Variants in PEX19 observed in about 807,000 individuals in gnomAD.
PEX19 encodes the protein 33 kDa housekeeping protein.
A neutral mutation model predicts 36.3 loss-of-function variants in PEX19; 29 were observed. The observed-to-expected ratio is 0.80, with a 90% CI of 0.60 to 1.09. The LOEUF (loss-of-function observed/expected upper bound fraction) is 1.09. PEX19 is among the 50% of genes least tolerant of loss of function. The probability of loss-of-function intolerance (pLI) is 0.00; values close to 1 mark genes in which losing one functional copy is unlikely to be tolerated. For synonymous variants in PEX19, 141 were observed against 135.2 expected, an observed-to-expected ratio of 1.04 and a Z score of -0.30; for missense variants, 396 against 368.1, an observed-to-expected ratio of 1.08 and a Z score of -0.62.
chr1:160,279,688 GA>G, intron 7 of PEX19, 54 bp from the exon 8 acceptor site: 1 of 1,550,190 alleles, frequency 6.5e-7, no homozygotes, highest in Non-Finnish European at 8.9e-7. Context: ...GGACAGACGT[GA>G]AGATCCATCC....
Position 160,277,677 on chromosome 1 carries a change from A to C in PEX19, c.*1874T>G, listed in dbSNP as rs1251272116. ...CCTGGCTAGGCTAGCAGAAGTGAGA[A>C]TCTGTAAAAGAAAACTGGTAGGACA... On this transcript the variant is annotated 3_prime_UTR_variant, in exon 8 of 8. Coordinates refer to ENST00000368072, the MANE Select transcript of PEX19 (RefSeq NM_002857.4). 2.2e-6 allele frequency: 1 copy of C among 455,124 alleles called. No individual in the cohort carries two copies. The highest frequency in any genetic ancestry group is 4.4e-6 in the Non-Finnish European group (1 of 227,510). 28.2% of individuals were successfully genotyped at this position (455,124 alleles called of 1,614,324 possible). A position where few individuals can be genotyped will look rare whatever the true frequency, so the allele number is the denominator to read the frequency against.
intron 1 of PEX19, chr1:160,284,208 C>T (rs1244136593): frequency 2.1e-6 from 1 of 471,094 alleles, no homozygotes; most frequent in Non-Finnish European, 4.4e-6. Context: ...CTAGAGCTCC[C>T]TTTGGCCTGA....
In PEX19 at chr1:160,276,914, C is replaced by T. The variant is rs41265787; in HGVS notation, c.*2637G>A. The T allele has an allele frequency of 0.027, 11,933 of 449,832 alleles. 263 individuals are homozygous for T. Among genetic ancestry groups the T allele is most frequent in the East Asian group, 0.088 (1,258 of 14,318 alleles). 27.9% of individuals were successfully genotyped at this position (449,832 alleles called of 1,614,324 possible). ...TAATTTTGGAACAAAGGAGCAACTC[C>T]TTTAAAGTTTGAGAGTCGCATAAAT... On this transcript the variant is annotated 3_prime_UTR_variant, in exon 8 of 8. Transcript: ENST00000368072.
Position 160,283,006 on chromosome 1 carries a change from G to T in PEX19, c.284C>A (p.Ala95Asp), listed in dbSNP as rs563863391. ...CTCCACCAGGTGGGGTTCTTCCTCA[G>T]CCAACTCCTTCATTGCCTTCTCGAA... ...AEFEKAMKELAEEEPHLVEQF... is the reference protein window; with the variant it reads ...AEFEKAMKELDEEEPHLVEQF... Residue 95 changes from alanine (A) to aspartate (D), a missense_variant, in exon 3 of 8, where the codon GCT becomes GAT. Ala to Asp is a moderately radical substitution (Grantham distance 126). Coordinates refer to ENST00000368072, the MANE Select transcript of PEX19 (RefSeq NM_002857.4). The T allele has an allele frequency of 5.0e-6, 8 of 1,614,186 alleles. No individual in the cohort carries two copies. The South Asian group carries it at 8.8e-5, about 18-fold the overall frequency.
chr1:160,282,936 C>T lies in PEX19; in HGVS notation c.346+8G>A. ...TCAGATATTTCCATGTATCTGGGGT[C>T]TCCTCACCCACTCTCCCTGCAGCCT... is the stretch of plus-strand genomic sequence containing the variant. On this transcript the variant is annotated splice_region_variant and intron_variant, in intron 3 of 7. Transcript: ENST00000368072. 6.2e-7 allele frequency: 1 copy of T among 1,613,732 alleles called. No individual in the cohort carries two copies. Among genetic ancestry groups the T allele is most frequent in the East Asian group, 2.2e-5 (1 of 44,888 alleles).
chr1:160,279,303 A>G lies in PEX19; in HGVS notation c.*248T>C, dbSNP rs1428024829. ...GGATGCCTTCCTTCACCTTGCAGGT[A>G]GCTGGAACTTTGATAGTGGCAGAAA... On this transcript the variant is annotated 3_prime_UTR_variant, in exon 8 of 8. Transcript: ENST00000368072. The G allele has an allele frequency of 1.5e-6, 1 of 662,140 alleles. No homozygotes were observed. Among genetic ancestry groups the G allele is most frequent in the Admixed American group, 2.1e-5 (1 of 48,732 alleles). The allele number at this position is 662,140 out of a possible 1,614,324, so 41.0% of individuals were successfully genotyped here.
intron 1 of PEX19, among the ~76,000 whole-genome samples, chr1:160,284,752 A>G (rs1347910353): frequency 6.6e-6 from 1 of 152,180 alleles, no homozygotes; most frequent in Admixed American, 6.5e-5. Context: ...CTGCTGCTGA[A>G]GTCGAACTTT....
At position 160,283,560 on chromosome 1, in the gene PEX19, G is replaced by A. The variant is rs1312578365; in HGVS notation, c.150C>T (p.Pro50=). 5 of 1,613,756 alleles carry A rather than the reference G, an allele frequency of 3.1e-6. No individual in the cohort carries two copies. Among genetic ancestry groups the A allele is most frequent in the Non-Finnish European group, 4.2e-6 (5 of 1,179,676 alleles). ...STTTAPDASG[P]QKRSPGDTAK... The stretch of plus-strand genomic sequence containing the variant: ...CAGTGTCTCCTGGCGATCTCTTCTG[G>A]GGCCCCGAAGCATCAGGGGCCGTGG... Residue 50 remains proline (P), a synonymous_variant, in exon 2 of 8, where the codon CCC becomes CCT. Transcript: ENST00000368072.
rs1332395473 is a variant in PEX19, at chr1:160,277,757, T to C, written c.*1794A>G. ...TTTTGTTCTTCCCTCCTCCTCTCTATCCTTGTCCAGTTTTTGGCTGGAGCT... is the reference window on the plus strand; with the variant it reads ...TTTTGTTCTTCCCTCCTCCTCTCTACCCTTGTCCAGTTTTTGGCTGGAGCT... On this transcript the variant is annotated 3_prime_UTR_variant, in exon 8 of 8. Coordinates refer to ENST00000368072, the MANE Select transcript of PEX19 (RefSeq NM_002857.4). 5 of 469,954 alleles carry C rather than the reference T, an allele frequency of 1.1e-5. No individual in the cohort carries two copies. Among genetic ancestry groups the C allele is most frequent in the Non-Finnish European group, 2.1e-5 (5 of 237,756 alleles). The allele number at this position is 469,954 out of a possible 1,614,324, so 29.1% of individuals were successfully genotyped here.
rs375153087 is a variant in PEX19 at position 160,283,567 on chromosome 1, G to A, written c.143C>T (p.Ser48Leu). 23 of 1,613,942 alleles carry A rather than the reference G, an allele frequency of 1.4e-5. No individual in the cohort carries two copies. Among genetic ancestry groups the A allele is most frequent in the Middle Eastern group, 3.3e-4 (2 of 6,062 alleles). Residue 48 changes from serine (S) to leucine (L), a missense_variant, in exon 2 of 8, where the codon TCG becomes TTG. Ser to Leu is a moderately radical substitution (Grantham distance 145). Coordinates refer to ENST00000368072, the MANE Select transcript of PEX19 (RefSeq NM_002857.4). ...TCCTGGCGATCTCTTCTGGGGCCCC[G>A]AAGCATCAGGGGCCGTGGTGGTAGA... ...PPSTTTAPDA[S>L]GPQKRSPGDT...
rs1424388593 is a variant in PEX19 at position 160,283,101 on chromosome 1, G to C, written c.189C>G (p.Leu63=). The change falls in exon 3 of 8, where the codon CTC becomes CTG. Residue 63 remains leucine, a synonymous_variant. Transcript: ENST00000368072. The part of the protein sequence containing the change: ...RSPGDTAKDA[L]FASQEKFFQE... ...GGAAAAACTTCTCTTGGGAAGCGAA[G>C]AGGGCATCCTGCGGGGGAAGGATGG... 2 of 1,613,562 alleles carry C rather than the reference G, an allele frequency of 1.2e-6. No homozygotes were observed. Among genetic ancestry groups the C allele is most frequent in the Admixed American group, 3.3e-5 (2 of 60,022 alleles).
At chr1:160,283,780 C>T (rs1312628132) in intron 1 of PEX19, 141 bp from the exon 2 acceptor site, 9 of 702,994 alleles carry the variant, frequency 1.3e-5, no homozygotes, top group Non-Finnish European at 2.3e-5. Context: ...AGTCCCCCAC[C>T]TCCCCAGACC....
At position 160,279,433 on chromosome 1, in the gene PEX19, A is replaced by G. The variant is rs766818104; in HGVS notation, c.*118T>C. 3 of 834,578 alleles carry G rather than the reference A, an allele frequency of 3.6e-6. No homozygotes were observed. Among genetic ancestry groups the G allele is most frequent in the Non-Finnish European group, 6.3e-6 (3 of 478,186 alleles). 51.7% of individuals were successfully genotyped at this position (834,578 alleles called of 1,614,324 possible). A position where few individuals can be genotyped will look rare whatever the true frequency, so the allele number is the denominator to read the frequency against. ...GTATGGCACAATCTTGAATGGGATG[A>G]CAGAGGGCAGCGGGCAGACTTCTCC... On this transcript the variant is annotated 3_prime_UTR_variant, in exon 8 of 8. Coordinates refer to ENST00000368072, the MANE Select transcript of PEX19 (RefSeq NM_002857.4).
chr1:160,282,964 G>C lies in PEX19; in HGVS notation c.326C>G (p.Ser109Ter). Residue 109 changes from serine to a stop codon, truncating the protein, a stop_gained, in exon 3 of 8, where the codon TCA becomes TGA. Coordinates refer to ENST00000368072, the MANE Select transcript of PEX19 (RefSeq NM_002857.4). LOFTEE classifies it high-confidence loss of function. Reference sequence around the variant, plus strand: ...CTCACCCACTCTCCCTGCAGCCTCTGAGAGCTTTTGGAACTGCTCCACCAG... The same window carrying C: ...CTCACCCACTCTCCCTGCAGCCTCTCAGAGCTTTTGGAACTGCTCCACCAG... Reference protein sequence around the residue: ...PHLVEQFQKLSEAAGRVGSDM... With the variant: ...PHLVEQFQKL 6.2e-7 allele frequency: 1 copy of C among 1,614,210 alleles called. No individual in the cohort carries two copies. Among genetic ancestry groups the C allele is most frequent in the Non-Finnish European group, 8.5e-7 (1 of 1,180,038 alleles).
rs73027678 is a variant in PEX19 at position 160,283,155 on chromosome 1, A to G, written c.181-46T>C. ...AAATGCGTCTCTTACTTAGGACTAC[A>G]CTGCACCTGGCCTCTGATAGAAGCC... On this transcript the variant is annotated intron_variant, in intron 2 of 7. Coordinates refer to ENST00000368072, the MANE Select transcript of PEX19 (RefSeq NM_002857.4). 7,479 of 1,602,370 alleles carry G rather than the reference A, an allele frequency of 4.7e-3. 337 individuals carry two copies. In the African/African-American group the frequency reaches 0.089, roughly 19 times the overall value.
intron 1 of PEX19, chr1:160,284,159 C>T (rs1657904362): frequency 2.1e-6 from 1 of 471,786 alleles, no homozygotes; most frequent in Non-Finnish European, 4.4e-6. Context: ...ATTAAACTAT[C>T]TTCTCTTATT....
At position 160,282,960 on chromosome 1, in the gene PEX19, C is replaced by T. The variant is rs762806247; in HGVS notation, c.330G>A (p.Glu110=). The T allele has an allele frequency of 5.0e-6, 8 of 1,614,100 alleles. No individual in the cohort carries two copies. Reference sequence around the variant, plus strand: ...TCTCCTCACCCACTCTCCCTGCAGCCTCTGAGAGCTTTTGGAACTGCTCCA... The same window carrying T: ...TCTCCTCACCCACTCTCCCTGCAGCTTCTGAGAGCTTTTGGAACTGCTCCA... The part of the protein sequence containing the change: ...HLVEQFQKLS[E]AAGRVGSDMT... Residue 110 remains glutamate (E), a synonymous_variant, in exon 3 of 8, where the codon GAG becomes GAA. Coordinates refer to ENST00000368072, the MANE Select transcript of PEX19 (RefSeq NM_002857.4).
Position 160,279,649 on chromosome 1 carries a change from A to G in PEX19, c.817-15T>C. 3.7e-6 allele frequency: 6 copies of G among 1,608,958 alleles called. No individual in the cohort carries two copies. Among genetic ancestry groups the G allele is most frequent in the Non-Finnish European group, 5.1e-6 (6 of 1,175,234 alleles). On this transcript the variant is annotated splice_polypyrimidine_tract_variant and intron_variant, in intron 7 of 7. Transcript: ENST00000368072. ...AGGCCAGGAGGCTGGGGAAGAGATG[A>G]AGGGACTCAGATAGTTGCTCATTTT...
chr1:160,284,135 C>T lies in PEX19; in HGVS notation c.71-496G>A, dbSNP rs117974939. On this transcript the variant is annotated intron_variant, in intron 1 of 7. Coordinates refer to ENST00000368072, the MANE Select transcript of PEX19 (RefSeq NM_002857.4). ...ACAGACTGAGGGACTACATACCAGACTCCATGGTACGGCATTAAACTATCT... is the reference window on the plus strand; with the variant it reads ...ACAGACTGAGGGACTACATACCAGATTCCATGGTACGGCATTAAACTATCT... 1,121 of 471,896 alleles carry T rather than the reference C, an allele frequency of 2.4e-3. 9 individuals carry two copies. In the East Asian group the frequency reaches 0.027, roughly 11 times the overall value. 29.2% of individuals were successfully genotyped at this position (471,896 alleles called of 1,614,324 possible).
Sources: gnomAD v4.1 joint callset for allele counts (sites outside exome capture counted in the v4.1 genomes callset) on GRCh38, gnomAD v4.1.1 for gene constraint, MANE v1.5 for transcripts, NCBI Gene and HGNC (gene_info 2026-07-23, HGNC 2026-07-21) for gene names.